GPAT3: variants seen among roughly 807,000 people sequenced by gnomAD.
GPAT3 encodes the protein 1-AGP acyltransferase 9.
GPAT3 carries 53 observed loss-of-function variants against 58.8 expected under a neutral mutation model. That is an observed-to-expected ratio of 0.90 (90% CI 0.72 to 1.13). GPAT3 has a LOEUF of 1.13. Among genes scored for constraint, GPAT3 ranks in the 50% most tolerant of loss-of-function variants. The pLI is 0.00. For synonymous variants in GPAT3, 197 were observed against 187.4 expected, an observed-to-expected ratio of 1.05 and a Z score of -0.42; for missense variants, 511 against 527.6, an observed-to-expected ratio of 0.97 and a Z score of 0.31.
chr4:83,535,588 G>A, upstream of GPAT3: 1 of 494,766 alleles, frequency 2.0e-6, no homozygotes, highest in African/African-American at 2.1e-5. Flanking sequence ...AGGTGTGGTT[G>A]GAATCTTCCC....
rs1726455020 is a variant in GPAT3 at position 83,588,157 on chromosome 4, T to G, written c.555-53T>G. The G allele has an allele frequency of 8.0e-6, 12 of 1,508,436 alleles. No individual in the cohort carries two copies. In the East Asian group the frequency reaches 2.7e-4, roughly 34 times the overall value. The allele number at this position is 1,508,436 out of a possible 1,614,324, so 93.4% of individuals were successfully genotyped here. On this transcript the variant is annotated intron_variant, in intron 4 of 11. Transcript: ENST00000264409. Reference sequence around the variant, plus strand: ...AAGCACATTAAAACCTTTATTATATTGTTTCTTAAGAGTGCCCAGAATGGC... The same window carrying G: ...AAGCACATTAAAACCTTTATTATATGGTTTCTTAAGAGTGCCCAGAATGGC...
At chr4:83,598,814 G>A (rs540920532) in intron 11 of GPAT3, 91 bp downstream of exon 11, 2 of 861,188 alleles carry the variant, frequency 2.3e-6, no homozygotes, top group Non-Finnish European at 3.4e-6. Context: ...TTTTACCCAG[G>A]CTGGAGTGCA....
chr4:83,547,670 A>G (rs1295704756), intron 2 of GPAT3, among the ~76,000 whole-genome samples: 2 of 152,122 alleles, frequency 1.3e-5, no homozygotes, highest in African/African-American at 4.8e-5. Context: ...GAATAAGCCA[A>G]CTGAAAGCTG....
At chr4:83,576,656 C>A (rs937003960) in intron 2 of GPAT3, among the ~76,000 whole-genome samples, 3 of 151,986 alleles carry the variant, frequency 2.0e-5, no homozygotes, top group African/African-American at 7.3e-5. Context: ...GTTGGCCAGG[C>A]TGGTCTCGAA....
chr4:83,535,713 G>C, upstream of GPAT3: 1 of 985,400 alleles, frequency 1.0e-6, no homozygotes, highest in Non-Finnish European at 1.2e-6. Context: ...AAGCAAGATT[G>C]AGCCCCACAG....
At chr4:83,595,326 A>G (rs1726780114) in intron 7 of GPAT3, 1 of 154,084 alleles carries the variant, frequency 6.5e-6, no homozygotes, top group African/African-American at 2.4e-5. Flanking sequence ...AATAAAAAAT[A>G]TATAAAAAAG....
At chr4:83,575,280 G>T (rs1344487944) in intron 2 of GPAT3, among the ~76,000 whole-genome samples, 1 of 152,124 alleles carries the variant, frequency 6.6e-6, no homozygotes, top group Non-Finnish European at 1.5e-5. Flanking sequence ...TGATTGAATT[G>T]AATATTTTTT....
At chr4:83,579,126 CCTTT>C (rs1240928683) in intron 2 of GPAT3, among the ~76,000 whole-genome samples, 1,338 of 107,680 alleles carry the variant, frequency 0.012, 117 homozygotes, top group East Asian at 0.033. Context: ...TTCCTTCCTT[CCTTT>C]CTTTCTCCCT....
chr4:83,599,390 TGA>T (rs1726971373), intron 11 of GPAT3, among the ~76,000 whole-genome samples: 1 of 152,162 alleles, frequency 6.6e-6, no homozygotes, highest in African/African-American at 2.4e-5. Flanking sequence ...GAGCACAAGC[TGA>T]GAGTTGTATA....
At chr4:83,550,620 A>G (rs1341159929) in intron 2 of GPAT3, among the ~76,000 whole-genome samples, 1 of 152,170 alleles carries the variant, frequency 6.6e-6, no homozygotes, top group Non-Finnish European at 1.5e-5. Flanking sequence ...AATAACCACA[A>G]TGCTATTATC....
At chr4:83,584,601 G>A (rs1452850713) in intron 3 of GPAT3, among the ~76,000 whole-genome samples, 1 of 152,198 alleles carries the variant, frequency 6.6e-6, no homozygotes, top group East Asian at 1.9e-4. Flanking sequence ...TGCCCGCTGA[G>A]TTCAAGCGAT....
Position 83,536,548 on chromosome 4 carries a change from G to A in GPAT3, c.-75G>A. The A allele has an allele frequency of 3.9e-6, 6 of 1,546,256 alleles. No individual in the cohort carries two copies. In the South Asian group the frequency reaches 6.1e-5, roughly 16 times the overall value. On this transcript the variant is annotated 5_prime_UTR_variant, in exon 1 of 12. Transcript: ENST00000264409. ...CGCTCTGCTCCTGGAGCTCCCGCGG[G>A]ACTGCCTGGGGACAGGGACTGCTGT... is the stretch of plus-strand genomic sequence containing the variant.
chr4:83,585,107 A>G (rs138495230), intron 3 of GPAT3, among the ~76,000 whole-genome samples: 5 of 152,282 alleles, frequency 3.3e-5, no homozygotes, highest in African/African-American at 1.2e-4. Context: ...ATAATTGATG[A>G]TGAGATTAAA....
intron 1 of GPAT3, among the ~76,000 whole-genome samples, chr4:83,539,593 T>C (rs1416216975): frequency 6.6e-6 from 1 of 152,238 alleles, no homozygotes; most frequent in Non-Finnish European, 1.5e-5. Flanking sequence ...TGCTCTTCTC[T>C]GACTCCTTCT....
At chr4:83,598,596 A>C (rs781763860) in intron 10 of GPAT3, 48 bp from the exon 11 acceptor site, 1 of 1,464,972 alleles carries the variant, frequency 6.8e-7, no homozygotes, top group Non-Finnish European at 9.5e-7. Flanking sequence ...TGGTATTAAA[A>C]ACTCGATAAC....
intron 2 of GPAT3, among the ~76,000 whole-genome samples, chr4:83,567,513 T>A (rs2110086471): frequency 6.6e-6 from 1 of 152,330 alleles, no homozygotes; most frequent in African/African-American, 2.4e-5. Context: ...ATGCTGGAAG[T>A]TGTCTGCCAA....
At chr4:83,566,206 ATT>A (rs1426653676) in intron 2 of GPAT3, among the ~76,000 whole-genome samples, 1 of 151,964 alleles carries the variant, frequency 6.6e-6, no homozygotes, top group Non-Finnish European at 1.5e-5. Flanking sequence ...TCTTTCCCAC[ATT>A]TTTGTATTTT....
intron 6 of GPAT3, 150 bp downstream of exon 6, chr4:83,590,442 C>A: frequency 1.5e-6 from 1 of 665,172 alleles, no homozygotes; most frequent in Non-Finnish European, 2.5e-6. Context: ...AATGTATTTA[C>A]ATGAGGAATA....
intron 2 of GPAT3, among the ~76,000 whole-genome samples, chr4:83,555,113 G>A (rs1724901846): frequency 6.6e-6 from 1 of 152,082 alleles, no homozygotes; most frequent in Non-Finnish European, 1.5e-5. Context: ...CTCCTCTTCT[G>A]AGAGTTGGCT....
Sources: gnomAD v4.1 joint callset for allele counts (sites outside exome capture counted in the v4.1 genomes callset) on GRCh38, gnomAD v4.1.1 for gene constraint, MANE v1.5 for transcripts, NCBI Gene and HGNC (gene_info 2026-07-23, HGNC 2026-07-21) for gene names.